Variants in SYNE3 observed in about 807,000 individuals in gnomAD.
SYNE3 encodes nesprin-3.
A neutral mutation model predicts 111.2 loss-of-function variants in SYNE3; 100 were observed. The observed-to-expected ratio is 0.90, with a 90% CI of 0.77 to 1.06. SYNE3 has a LOEUF of 1.06. Among genes scored for constraint, SYNE3 ranks in the 50% least tolerant of loss-of-function variants. The probability of loss-of-function intolerance (pLI) is 0.00; values close to 1 mark genes in which losing one functional copy is unlikely to be tolerated. For missense variants in SYNE3, 1,160 were observed against 1,240.3 expected (o/e 0.94, Z 0.97); for synonymous variants, 547 against 533.9 (o/e 1.02, Z -0.34).
At chr14:95,480,571 T>A (rs1396161372) in intron 1 of SYNE3, among the ~76,000 whole-genome samples, 1 of 152,136 alleles carries the variant, frequency 6.6e-6, no homozygotes, top group East Asian at 1.9e-4. Flanking sequence ...TCCCCAGGAA[T>A]GGACAGTAAG....
chr14:95,416,718 G>C lies in SYNE3; in HGVS notation c.*1108C>G, dbSNP rs796581869. 1.3e-5 allele frequency: 2 copies of C among 152,498 alleles called. No homozygotes were observed. Among genetic ancestry groups the C allele is most frequent in the African/African-American group, 4.8e-5 (2 of 41,586 alleles). 9.4% of individuals were successfully genotyped at this position (152,498 alleles called of 1,614,324 possible). ...ACCTGCTGTCTCCAGAGTCTTTTCT[G>C]GGAAGCGGAAGGAGAGCCCTTGAGA... is the stretch of plus-strand genomic sequence containing the variant. On this transcript the variant is annotated 3_prime_UTR_variant, in exon 18 of 18. Transcript: ENST00000682763.
intron 11 of SYNE3, among the ~76,000 whole-genome samples, chr14:95,441,871 G>A (rs1203072592): frequency 3.3e-5 from 5 of 152,248 alleles, no homozygotes; most frequent in African/African-American, 1.2e-4. Flanking sequence ...TAGAGGTGGT[G>A]AGGGTGATAC....
chr14:95,460,816 A>T (rs1331319791), intron 4 of SYNE3, among the ~76,000 whole-genome samples: 5 of 152,184 alleles, frequency 3.3e-5, no homozygotes, highest in Non-Finnish European at 7.4e-5. Flanking sequence ...TAACAGACAG[A>T]GGCTGGATGC....
chr14:95,457,235 T>C lies in SYNE3; in HGVS notation c.731A>G (p.Asn244Ser). Residue 244 changes from asparagine (N) to serine (S), a missense_variant, in exon 5 of 18, where the codon AAT becomes AGT. Asn to Ser is a conservative substitution (Grantham distance 46). Coordinates refer to ENST00000682763, the MANE Select transcript of SYNE3 (RefSeq NM_152592.6). ...LWLKAVVEKV[N>S]GCLGRNCKLP... Reference sequence around the variant, plus strand: ...CTTGCAGTTCCGCCCCAGGCAGCCATTCACCTTCTCCACCACCGCCTTCAG... The same window carrying C: ...CTTGCAGTTCCGCCCCAGGCAGCCACTCACCTTCTCCACCACCGCCTTCAG... The C allele has an allele frequency of 6.2e-7, 1 of 1,614,108 alleles. No individual in the cohort carries two copies. Among genetic ancestry groups the C allele is most frequent in the Non-Finnish European group, 8.5e-7 (1 of 1,180,012 alleles).
chr14:95,422,099 T>C (rs1425075419), intron 17 of SYNE3, among the ~76,000 whole-genome samples: 5 of 152,192 alleles, frequency 3.3e-5, no homozygotes, highest in Non-Finnish European at 7.3e-5. Flanking sequence ...GCTGAATGAA[T>C]GAAACCATGA....
At chr14:95,449,713 C>A (rs746869186) in intron 8 of SYNE3, 1 of 980,258 alleles carries the variant, frequency 1.0e-6, no homozygotes, top group Non-Finnish European at 1.2e-6. Flanking sequence ...CCGTACGGAG[C>A]CCCGGGTTAA....
At chr14:95,471,698 T>C (rs1888540538) in intron 2 of SYNE3, among the ~76,000 whole-genome samples, 1 of 152,222 alleles carries the variant, frequency 6.6e-6, no homozygotes, top group African/African-American at 2.4e-5. Context: ...TGAGATTCTT[T>C]TATAGCCCAT....
intron 15 of SYNE3, 27 bp downstream of exon 15, chr14:95,436,793 A>G (rs747882894): frequency 5.0e-6 from 8 of 1,611,916 alleles, no homozygotes; most frequent in Non-Finnish European, 6.8e-6. Context: ...AACCTTATGG[A>G]TGAGGGACCT....
chr14:95,473,571 C>T (rs190635954), intron 2 of SYNE3, among the ~76,000 whole-genome samples: 4 of 152,070 alleles, frequency 2.6e-5, no homozygotes, highest in African/African-American at 4.8e-5. Flanking sequence ...AAAGGCTTGG[C>T]GGTGGAAGGT....
chr14:95,425,422 G>A (rs1885377724), intron 17 of SYNE3, among the ~76,000 whole-genome samples: 1 of 152,198 alleles, frequency 6.6e-6, no homozygotes, highest in South Asian at 2.1e-4. Flanking sequence ...AGAAAGATGT[G>A]TGGTTGCCAG....
At chr14:95,430,550 G>T (rs11625295) in intron 17 of SYNE3, among the ~76,000 whole-genome samples, 43,042 of 152,122 alleles carry the variant, frequency 0.28, 6,304 homozygotes, top group Middle Eastern at 0.43. Flanking sequence ...TAGGCTGGGT[G>T]CAGTGGCTCA....
intron 17 of SYNE3, among the ~76,000 whole-genome samples, chr14:95,428,277 C>T (rs968236958): frequency 6.6e-6 from 1 of 152,096 alleles, no homozygotes; most frequent in Non-Finnish European, 1.5e-5. Flanking sequence ...CAGTGTGGTC[C>T]AAAGGAAACC....
chr14:95,417,551 T>C lies in SYNE3; in HGVS notation c.*275A>G. Reference sequence around the variant, plus strand: ...CCCAACTCCAAATAGAACTCGTATATGAAATTATACATACTGAGCATTTAC... The same window carrying C: ...CCCAACTCCAAATAGAACTCGTATACGAAATTATACATACTGAGCATTTAC... On this transcript the variant is annotated 3_prime_UTR_variant, in exon 18 of 18. Coordinates refer to ENST00000682763, the MANE Select transcript of SYNE3 (RefSeq NM_152592.6). The C allele has an allele frequency of 2.1e-6, 1 of 474,824 alleles. No homozygotes were observed. The highest frequency in any genetic ancestry group is 3.8e-6 in the Non-Finnish European group (1 of 261,668). The allele number at this position is 474,824 out of a possible 1,614,324, so 29.4% of individuals were successfully genotyped here.
At chr14:95,498,273 C>A (rs1338663307) in intron 1 of SYNE3, among the ~76,000 whole-genome samples, 2 of 152,214 alleles carry the variant, frequency 1.3e-5, no homozygotes, top group African/African-American at 2.4e-5. Context: ...TCACTACAAC[C>A]TCCACCTACC....
chr14:95,480,357 C>T (rs1380939066), intron 1 of SYNE3, among the ~76,000 whole-genome samples: 2 of 152,150 alleles, frequency 1.3e-5, no homozygotes, highest in Non-Finnish European at 2.9e-5. Flanking sequence ...GTTTCAGCGT[C>T]CATGTGGTTA....
Position 95,515,429 on chromosome 14 carries a change from G to A in SYNE3, c.-15+1167C>T, listed in dbSNP as rs144031037. ...GTTGGCTGCCCTGGAAGTGCAGGCG[G>A]CAAGCCCAGGCCCTTCAAGAGAGCC... On this transcript the variant is annotated intron_variant, in intron 1 of 17. Coordinates refer to ENST00000682763, the MANE Select transcript of SYNE3 (RefSeq NM_152592.6). 2.5e-3 allele frequency among the ~76,000 whole-genome samples: 383 copies of A among 152,318 alleles called. 1 individual carries two copies. Among genetic ancestry groups the A allele is most frequent in the African/African-American group, 8.9e-3 (368 of 41,572 alleles).
At chr14:95,429,900 A>G (rs1885649233) in intron 17 of SYNE3, 3 of 980,430 alleles carry the variant, frequency 3.1e-6, no homozygotes, top group African/African-American at 3.5e-5. Context: ...TCTCCACCCA[A>G]GCAGGATGTA....
rs1195180966 is a variant in SYNE3 at position 95,412,527 on chromosome 14, C to G, written c.*5299G>C. 6.6e-6 allele frequency: 1 copy of G among 152,300 alleles called. No individual in the cohort carries two copies. Among genetic ancestry groups the G allele is most frequent in the Non-Finnish European group, 1.5e-5 (1 of 68,098 alleles). The allele number at this position is 152,300 out of a possible 1,614,324, so 9.4% of individuals were successfully genotyped here. A position where few individuals can be genotyped will look rare whatever the true frequency, so the allele number is the denominator to read the frequency against. On this transcript the variant is annotated 3_prime_UTR_variant, in exon 18 of 18. Coordinates refer to ENST00000682763, the MANE Select transcript of SYNE3 (RefSeq NM_152592.6). ...GCACAGGGCACTTCTGCCCACCAACCAGGGGAGAGAAAGCCGCAGACCCCG... is the reference window on the plus strand; with the variant it reads ...GCACAGGGCACTTCTGCCCACCAACGAGGGGAGAGAAAGCCGCAGACCCCG...
At chr14:95,425,655 G>A (rs1253243973) in intron 17 of SYNE3, among the ~76,000 whole-genome samples, 1 of 152,176 alleles carries the variant, frequency 6.6e-6, no homozygotes, top group Non-Finnish European at 1.5e-5. Context: ...GCACACTAAT[G>A]TAAGATGTTA....
Sources: allele counts gnomAD v4.1 joint callset (sites outside exome capture counted in the v4.1 genomes callset), GRCh38; gene constraint gnomAD v4.1.1; transcripts MANE v1.5; gene names NCBI Gene and HGNC (gene_info 2026-07-23, HGNC 2026-07-21).